TCF7L2: variants seen among roughly 807,000 people sequenced by gnomAD.
TCF7L2 encodes the protein transcription factor 7 like 2, also known as transcription factor 7-like 2.
Under a neutral mutation model 77.9 loss-of-function variants are expected in TCF7L2, and 23 were observed. The observed-to-expected ratio is 0.30, with a 90% CI of 0.21 to 0.42. The LOEUF is 0.42. TCF7L2 is among the 10% of genes least tolerant of loss of function. TCF7L2 has a pLI of 1.00. For synonymous variants in TCF7L2, 413 were observed against 340.2 expected (o/e 1.21, Z -2.36); for missense variants, 654 against 793.1 (o/e 0.82, Z 2.11).
chr10:113,158,436 G>A (rs548165806), intron 12 of TCF7L2, among the ~76,000 whole-genome samples: 1 of 152,154 alleles, frequency 6.6e-6, no homozygotes, highest in Non-Finnish European at 1.5e-5. Flanking sequence ...GGGAGTAGGA[G>A]GGGGTGTGTG....
intron 5 of TCF7L2, among the ~76,000 whole-genome samples, chr10:113,136,925 T>A (rs1477291342): frequency 1.3e-5 from 2 of 152,156 alleles, no homozygotes; most frequent in Non-Finnish European, 2.9e-5. Flanking sequence ...CCAAGGGGCA[T>A]CTTTCTGTTT....
intron 4 of TCF7L2, among the ~76,000 whole-genome samples, chr10:113,038,021 G>A (rs2051657960): frequency 6.6e-6 from 1 of 152,150 alleles, no homozygotes. Flanking sequence ...AGAGCCCTCT[G>A]GCCTGGGTTA....
intron 5 of TCF7L2, among the ~76,000 whole-genome samples, chr10:113,084,743 C>A (rs2059651285): frequency 6.6e-6 from 1 of 151,908 alleles, no homozygotes; most frequent in South Asian, 2.1e-4. Flanking sequence ...AAAAAAAATA[C>A]AAACATTAGC....
At chr10:112,971,606 G>A (rs1168565577) in intron 4 of TCF7L2, among the ~76,000 whole-genome samples, 18 of 151,384 alleles carry the variant, frequency 1.2e-4, no homozygotes, top group South Asian at 2.1e-4. Context: ...CACCACGCCC[G>A]GACAGGAGTT....
At chr10:112,952,252 T>G (rs2031885550) in intron 3 of TCF7L2, among the ~76,000 whole-genome samples, 1 of 152,226 alleles carries the variant, frequency 6.6e-6, no homozygotes, top group Admixed American at 6.5e-5. Context: ...TAGTGGAGAT[T>G]GCTGGCTCTC....
At chr10:112,964,730 A>T in intron 4 of TCF7L2, 106 bp downstream of exon 4, 1 of 795,822 alleles carries the variant, frequency 1.3e-6, no homozygotes, top group Non-Finnish European at 1.9e-6. Flanking sequence ...GATGATGATG[A>T]TGATGATGAT....
rs540569742 is a variant in TCF7L2, at chr10:112,972,437, T to G, written c.450+7813T>G. On this transcript the variant is annotated intron_variant, in intron 4 of 13. Transcript: ENST00000627217. ...ATAGCTGCTTATGCTTATTGAATTC[T>G]CTTGAGGGATCCAGTGTTAAATGCT... Among the ~76,000 whole-genome samples, 4 of 152,326 alleles carry G rather than the reference T, an allele frequency of 2.6e-5. No individual in the cohort carries two copies. The South Asian group carries it at 8.3e-4, about 32-fold the overall frequency.
At chr10:113,125,332 T>A (rs530609204) in intron 5 of TCF7L2, among the ~76,000 whole-genome samples, 66 of 152,260 alleles carry the variant, frequency 4.3e-4, no homozygotes, top group African/African-American at 1.5e-3. Context: ...CATTTTTTTT[T>A]AATTTCTAGC....
At chr10:113,087,053 A>G (rs1306418511) in intron 5 of TCF7L2, among the ~76,000 whole-genome samples, 2 of 152,158 alleles carry the variant, frequency 1.3e-5, no homozygotes, top group Non-Finnish European at 2.9e-5. Context: ...AAGGTGGGGA[A>G]TAAGGTTAGG....
chr10:113,145,299 A>T (rs2069159106), intron 7 of TCF7L2, among the ~76,000 whole-genome samples: 1 of 152,096 alleles, frequency 6.6e-6, no homozygotes, highest in Non-Finnish European at 1.5e-5. Flanking sequence ...CTCAGTGATC[A>T]TTTGCCCCAT....
intron 5 of TCF7L2, among the ~76,000 whole-genome samples, chr10:113,070,203 C>G (rs1302039821): frequency 1.3e-5 from 2 of 149,688 alleles, no homozygotes; most frequent in African/African-American, 4.9e-5. Flanking sequence ...TTGCAGTGAG[C>G]CGAGATGGTG....
chr10:113,063,822 A>G (rs1031366853), intron 5 of TCF7L2, among the ~76,000 whole-genome samples: 1 of 151,978 alleles, frequency 6.6e-6, no homozygotes, highest in African/African-American at 2.4e-5. Context: ...TAAATGTTAA[A>G]CTGAAGGGCC....
rs112338638 is a variant in TCF7L2, at chr10:113,159,897, G to A, written c.1319-722G>A. On this transcript the variant is annotated intron_variant, in intron 12 of 13. Transcript: ENST00000627217. ...TCTCCCACGTTCTCCTCCTCTGCTCGCTTCTCTCTTGAACTCATTCAGACC... is the reference window on the plus strand; with the variant it reads ...TCTCCCACGTTCTCCTCCTCTGCTCACTTCTCTCTTGAACTCATTCAGACC... 138 of 1,458,684 alleles carry A rather than the reference G, an allele frequency of 9.5e-5. 1 individual carries two copies. Among genetic ancestry groups the A allele is most frequent in the South Asian group, 8.4e-4 (74 of 88,248 alleles). 90.4% of individuals were successfully genotyped at this position (1,458,684 alleles called of 1,614,324 possible).
intron 5 of TCF7L2, among the ~76,000 whole-genome samples, chr10:113,083,695 G>T (rs556651663): frequency 1.3e-5 from 2 of 152,174 alleles, no homozygotes; most frequent in African/African-American, 2.4e-5. Context: ...TGGCATCCTT[G>T]TGTGTGAATA....
intron 5 of TCF7L2, among the ~76,000 whole-genome samples, chr10:113,122,089 C>G (rs115038789): frequency 2.0e-3 from 308 of 152,310 alleles, no homozygotes; most frequent in African/African-American, 7.2e-3. Context: ...TACAAAGAAT[C>G]AAACCTCTTG....
intron 5 of TCF7L2, among the ~76,000 whole-genome samples, chr10:113,109,981 T>C (rs1171734432): frequency 6.6e-6 from 1 of 152,258 alleles, no homozygotes; most frequent in Non-Finnish European, 1.5e-5. Context: ...ATAACATCAT[T>C]TCATACAGAA....
intron 5 of TCF7L2, among the ~76,000 whole-genome samples, chr10:113,109,021 C>T (rs949218360): frequency 1.3e-5 from 2 of 152,174 alleles, no homozygotes; most frequent in African/African-American, 4.8e-5. Context: ...GCCAACTGTC[C>T]CCTTAACCAC....
chr10:112,994,449 G>T (rs1204571090), intron 4 of TCF7L2, among the ~76,000 whole-genome samples: 1 of 152,172 alleles, frequency 6.6e-6, no homozygotes, highest in Non-Finnish European at 1.5e-5. Flanking sequence ...TGTATGGATA[G>T]ACATTTTGTT....
intron 5 of TCF7L2, among the ~76,000 whole-genome samples, chr10:113,045,385 G>GAGC (rs1292641854): frequency 1.3e-5 from 2 of 152,210 alleles, no homozygotes; most frequent in African/African-American, 4.8e-5. Context: ...CCTGGCTCCA[G>GAGC]AGCACACCGT....
Sources: gnomAD v4.1 joint callset for allele counts (sites outside exome capture counted in the v4.1 genomes callset) on GRCh38, gnomAD v4.1.1 for gene constraint, MANE v1.5 for transcripts, NCBI Gene and HGNC (gene_info 2026-07-23, HGNC 2026-07-21) for gene names.